Variants in DNAJB1 observed in about 807,000 individuals in gnomAD.
DNAJB1 encodes dnaJ homolog subfamily B member 1.
A neutral mutation model predicts 24.0 loss-of-function variants in DNAJB1; 14 were observed. That is an observed-to-expected ratio of 0.58 (90% CI 0.39 to 0.91). The LOEUF is 0.91. DNAJB1 is among the 40% of genes least tolerant of loss of function. The probability of loss-of-function intolerance (pLI) is 0.00; values close to 1 mark genes in which losing one functional copy is unlikely to be tolerated. For synonymous variants in DNAJB1, 262 were observed against 174.4 expected (o/e 1.50, Z -3.96); for missense variants, 517 against 458.1 (o/e 1.13, Z -1.17).
chr19:14,543,406 T>TA (rs1248575226), intron 1 of DNAJB1, among the ~76,000 whole-genome samples: 571 of 12,184 alleles, frequency 0.047, 17 homozygotes, highest in Non-Finnish European at 0.066. Context: ...TATATATATA[T>TA]ATATATATAT....
At chr19:14,542,335 T>A (rs2073121933) in intron 1 of DNAJB1, among the ~76,000 whole-genome samples, 3 of 136,842 alleles carry the variant, frequency 2.2e-5, no homozygotes, top group South Asian at 2.5e-4. Context: ...CAGGGGGCCC[T>A]CATGCCATAG....
At chr19:14,557,450 T>G (rs1473814988) in intron 1 of DNAJB1, among the ~76,000 whole-genome samples, 1 of 149,004 alleles carries the variant, frequency 6.7e-6, no homozygotes, top group African/African-American at 2.5e-5. Flanking sequence ...CTAATCATAT[T>G]TATTCTTTTT....
rs768632960 is a variant in DNAJB1 at position 14,516,988 on chromosome 19, G to A, written c.270C>T (p.Phe90=). The change falls in exon 2 of 3, where the codon TTC becomes TTT. Residue 90 remains phenylalanine, a synonymous_variant. Coordinates refer to ENST00000254322, the MANE Select transcript of DNAJB1 (RefSeq NM_006145.3). ...GSGGGANGTS[F]SYTFHGDPHA... ...GAGGGTCTCCATGGAATGTGTAGCT[G>A]AAAGAGGTACCATTGGCACCACCGC... is the stretch of plus-strand genomic sequence containing the variant. The A allele has an allele frequency of 5.6e-6, 9 of 1,611,878 alleles. No homozygotes were observed. The highest frequency in any genetic ancestry group is 2.7e-5 in the African/African-American group (2 of 74,884).
chr19:14,544,525 G>T (rs993112541), intron 1 of DNAJB1, among the ~76,000 whole-genome samples: 4 of 152,084 alleles, frequency 2.6e-5, no homozygotes, highest in Non-Finnish European at 5.9e-5. Context: ...GGCAGGTCTG[G>T]CTTTGAGTGC....
At chr19:14,519,876 A>G (rs1295855370), upstream of DNAJB1, among the ~76,000 whole-genome samples, 7 of 152,184 alleles carry the variant, frequency 4.6e-5, no homozygotes, top group Admixed American at 4.6e-4. Context: ...TGTCAAGGAC[A>G]GAGCTGATGG....
chr19:14,523,505 G>C (rs1456406443), intron 2 of DNAJB1, among the ~76,000 whole-genome samples: 1 of 151,618 alleles, frequency 6.6e-6, no homozygotes, highest in Non-Finnish European at 1.5e-5. Flanking sequence ...GTAGAGACTG[G>C]GTTTCACCAT....
chr19:14,518,617 G>T (rs900402053), upstream of DNAJB1, among the ~76,000 whole-genome samples: 49 of 152,096 alleles, frequency 3.2e-4, no homozygotes, highest in Admixed American at 9.8e-4. Flanking sequence ...ACCTCCCCGC[G>T]GCGCGCGCGC....
chr19:14,556,141 ACT>A (rs767199472), intron 1 of DNAJB1, among the ~76,000 whole-genome samples: 8 of 150,016 alleles, frequency 5.3e-5, no homozygotes, highest in Admixed American at 2.0e-4. Context: ...ACCTCCTCCC[ACT>A]CTCTCCCTGA....
At chr19:14,529,658 G>A, upstream of DNAJB1, 2 of 1,613,858 alleles carry the variant, frequency 1.2e-6, no homozygotes, top group African/African-American at 1.3e-5. Flanking sequence ...CAGTTAGGCA[G>A]CAGCAGCCGC....
At chr19:14,554,770 T>C (rs1033271515), upstream of DNAJB1, among the ~76,000 whole-genome samples, 8 of 151,732 alleles carry the variant, frequency 5.3e-5, no homozygotes, top group African/African-American at 1.9e-4. Flanking sequence ...ATTTCACTGC[T>C]TGTCTCTGCC....
At chr19:14,558,700 C>T (rs1398136509) in intron 1 of DNAJB1, among the ~76,000 whole-genome samples, 3 of 152,164 alleles carry the variant, frequency 2.0e-5, no homozygotes, top group Non-Finnish European at 2.9e-5. Flanking sequence ...GCTGGGACCT[C>T]GCTGACACCA....
In DNAJB1 at chr19:14,516,173, T is replaced by C. The variant is rs1179257381; in HGVS notation, c.793-3A>G. ...TTCACTGTGCAGCCACACAGAGCCT[T>C]GAAAAGCAAAAGGACAGCATTAGAT... On this transcript the variant is annotated splice_region_variant and splice_polypyrimidine_tract_variant and intron_variant, in intron 2 of 2. Transcript: ENST00000254322. The C allele has an allele frequency of 3.7e-6, 6 of 1,612,988 alleles. No individual in the cohort carries two copies. Among genetic ancestry groups the C allele is most frequent in the Non-Finnish European group, 5.1e-6 (6 of 1,179,806 alleles).
rs1328298121 is a variant in DNAJB1 at position 14,516,868 on chromosome 19, T to C, written c.390A>G (p.Pro130=). The change falls in exon 2 of 3, where the codon CCA becomes CCG. Residue 130 remains proline (P), a synonymous_variant. Coordinates refer to ENST00000254322, the MANE Select transcript of DNAJB1 (RefSeq NM_006145.3). ...CCATGCCCATAGGGAAGCCAGAGAA[T>C]GGGTCATCAATGTCCATGCCTTCCT... ...NGEEGMDIDD[P]FSGFPMGMGG... 2 of 1,614,002 alleles carry C rather than the reference T, an allele frequency of 1.2e-6. No individual in the cohort carries two copies. The highest frequency in any genetic ancestry group is 1.3e-5 in the African/African-American group (1 of 74,902).
intron 1 of DNAJB1, among the ~76,000 whole-genome samples, chr19:14,535,866 G>T (rs1159237881): frequency 6.6e-6 from 1 of 151,568 alleles, no homozygotes; most frequent in African/African-American, 2.4e-5. Flanking sequence ...GGGGGTTGGA[G>T]GGGATCTTAG....
upstream of DNAJB1, among the ~76,000 whole-genome samples, chr19:14,551,792 G>C (rs189135657): frequency 6.6e-6 from 1 of 152,138 alleles, no homozygotes; most frequent in Non-Finnish European, 1.5e-5. Context: ...CTGGAGGATC[G>C]CATCCAGGGT....
rs1199675634 is a variant in DNAJB1, at chr19:14,514,900, A to T, written c.*1040T>A. 6.6e-6 allele frequency: 1 copy of T among 152,648 alleles called. No individual in the cohort carries two copies. Among genetic ancestry groups the T allele is most frequent in the Non-Finnish European group, 1.5e-5 (1 of 68,072 alleles). 9.5% of individuals were successfully genotyped at this position (152,648 alleles called of 1,614,324 possible). A position where few individuals can be genotyped will look rare whatever the true frequency, so the allele number is the denominator to read the frequency against. The stretch of plus-strand genomic sequence containing the variant: ...CTGGACTGGCCTCCAGGGAACAGAC[A>T]TTTGTTCCAACTCCCCTTCCCTCCC... On this transcript the variant is annotated 3_prime_UTR_variant, in exon 3 of 3. Coordinates refer to ENST00000254322, the MANE Select transcript of DNAJB1 (RefSeq NM_006145.3).
chr19:14,535,436 G>A (rs1286393079), intron 1 of DNAJB1, among the ~76,000 whole-genome samples: 6 of 141,686 alleles, frequency 4.2e-5, no homozygotes, highest in Non-Finnish European at 6.0e-5. Context: ...TGACCCGGGA[G>A]GCGGAGCTTG....
At chr19:14,546,098 G>A (rs1360993898) in intron 1 of DNAJB1, among the ~76,000 whole-genome samples, 1 of 152,144 alleles carries the variant, frequency 6.6e-6, no homozygotes, top group East Asian at 1.9e-4. Context: ...ATGCTAGCTC[G>A]TCCCTGGGGA....
intron 1 of DNAJB1, among the ~76,000 whole-genome samples, chr19:14,558,619 T>C (rs1440805825): frequency 6.6e-6 from 1 of 152,138 alleles, no homozygotes; most frequent in Non-Finnish European, 1.5e-5. Context: ...CCTGCCTGTC[T>C]GCCCGTTCCT....
Sources: allele counts gnomAD v4.1 joint callset (sites outside exome capture counted in the v4.1 genomes callset), GRCh38; gene constraint gnomAD v4.1.1; transcripts MANE v1.5; gene names NCBI Gene and HGNC (gene_info 2026-07-23, HGNC 2026-07-21).